Variants in ZCCHC7 observed in about 807,000 individuals in gnomAD.
The protein encoded by ZCCHC7 is zinc finger CCHC-type containing 7.
Under a neutral mutation model 52.0 loss-of-function variants are expected in ZCCHC7, and 35 were observed. The ratio of observed to expected loss-of-function variants is 0.67; its 90% CI spans 0.51 to 0.89. The LOEUF (loss-of-function observed/expected upper bound fraction) is 0.89, where lower values mean the gene tolerates loss of function less well. Ranked by LOEUF, ZCCHC7 falls within the 40% of genes least tolerant of loss-of-function variation. ZCCHC7 has a pLI of 0.00. For missense variants in ZCCHC7, 574 were observed against 649.1 expected, an observed-to-expected ratio of 0.88 and a Z score of 1.26; for synonymous variants, 217 against 221.5, an observed-to-expected ratio of 0.98 and a Z score of 0.18.
chr9:37,145,800 A>C (rs1843406092), intron 2 of ZCCHC7, among the ~76,000 whole-genome samples: 1 of 151,964 alleles, frequency 6.6e-6, no homozygotes, highest in South Asian at 2.1e-4. Context: ...GAGATGCCTC[A>C]GTTAAATTTT....
At chr9:37,166,461 A>G (rs1217734468) in intron 2 of ZCCHC7, among the ~76,000 whole-genome samples, 3 of 151,972 alleles carry the variant, frequency 2.0e-5, no homozygotes, top group East Asian at 3.9e-4. Context: ...TTTTCCTGGT[A>G]TGTCTGTCTT....
intron 2 of ZCCHC7, among the ~76,000 whole-genome samples, chr9:37,218,876 A>G (rs1410647527): frequency 1.3e-5 from 2 of 151,748 alleles, no homozygotes; most frequent in Non-Finnish European, 2.9e-5. Flanking sequence ...TAGAGAGGGG[A>G]ACGTCTAGTG....
intron 2 of ZCCHC7, among the ~76,000 whole-genome samples, chr9:37,192,204 A>T (rs1029195423): frequency 1.1e-4 from 16 of 152,246 alleles, no homozygotes; most frequent in Admixed American, 5.2e-4. Flanking sequence ...TTTCTCCAAC[A>T]TAGTGGACAT....
chr9:37,298,192 T>C (rs905757497), intron 2 of ZCCHC7, among the ~76,000 whole-genome samples: 1 of 152,194 alleles, frequency 6.6e-6, no homozygotes, highest in Non-Finnish European at 1.5e-5. Flanking sequence ...ATAACTACTA[T>C]GCAGTAATTG....
intron 2 of ZCCHC7, among the ~76,000 whole-genome samples, chr9:37,193,748 GGT>G (rs1351936999): frequency 6.6e-6 from 1 of 152,136 alleles, no homozygotes; most frequent in Admixed American, 6.5e-5. Context: ...CAAGGAATGA[GGT>G]GGTAATCCTG....
rs1827850453 is a variant in ZCCHC7, at chr9:37,279,561, A to AT, written c.611-22625dup. The stretch of plus-strand genomic sequence containing the variant: ...AATTGAAAGATCTAAATGTGGACAT[A>AT]TTGATAATTACATCTGGCCAGGTCC... On this transcript the variant is annotated intron_variant, in intron 2 of 8. Transcript: ENST00000336755. Among the ~76,000 whole-genome samples the AT allele has an allele frequency of 2.6e-5, 4 of 152,230 alleles. No individual in the cohort carries two copies. The South Asian group carries it at 8.3e-4, about 32-fold the overall frequency.
intron 2 of ZCCHC7, among the ~76,000 whole-genome samples, chr9:37,178,513 A>G (rs1027214191): frequency 6.6e-6 from 1 of 152,118 alleles, no homozygotes; most frequent in African/African-American, 2.4e-5. Context: ...GAAGAATGGA[A>G]AGAAGAAAAC....
chr9:37,329,091 T>C (rs2118203689), intron 6 of ZCCHC7, among the ~76,000 whole-genome samples: 1 of 152,010 alleles, frequency 6.6e-6, no homozygotes, highest in Admixed American at 6.6e-5. Context: ...AATTAGAATC[T>C]AATTATATGT....
chr9:37,287,494 A>G (rs1028776079), intron 2 of ZCCHC7, among the ~76,000 whole-genome samples: 1 of 152,102 alleles, frequency 6.6e-6, no homozygotes, highest in African/African-American at 2.4e-5. Flanking sequence ...TAACAAAGCG[A>G]CTTTGTTCTG....
At chr9:37,298,677 C>A (rs2133678655) in intron 2 of ZCCHC7, among the ~76,000 whole-genome samples, 1 of 152,248 alleles carries the variant, frequency 6.6e-6, no homozygotes, top group South Asian at 2.1e-4. Context: ...TGGAAATGTT[C>A]TACATTTGAT....
chr9:37,204,946 T>TC (rs1458808761), intron 2 of ZCCHC7, among the ~76,000 whole-genome samples: 2 of 152,202 alleles, frequency 1.3e-5, no homozygotes, highest in Non-Finnish European at 2.9e-5. Flanking sequence ...TTTGAATGTG[T>TC]CCCCCAAAGG....
intron 2 of ZCCHC7, among the ~76,000 whole-genome samples, chr9:37,177,069 T>C (rs576427564): frequency 3.6e-4 from 55 of 152,230 alleles, no homozygotes; most frequent in Non-Finnish European, 7.1e-4. Context: ...AGGCCGGGTG[T>C]GGTGGCTTAC....
chr9:37,287,797 A>G (rs754779862), intron 2 of ZCCHC7, among the ~76,000 whole-genome samples: 2 of 151,856 alleles, frequency 1.3e-5, no homozygotes, highest in Non-Finnish European at 2.9e-5. Flanking sequence ...ATGGTGTTAA[A>G]TTTTTTTTAA....
At chr9:37,289,190 C>T (rs1237553349) in intron 2 of ZCCHC7, among the ~76,000 whole-genome samples, 11 of 150,998 alleles carry the variant, frequency 7.3e-5, no homozygotes, top group Admixed American at 7.2e-4. Flanking sequence ...CGCTCTGTCG[C>T]CCAGGCTGGA....
At chr9:37,202,676 T>G (rs1361356476) in intron 2 of ZCCHC7, among the ~76,000 whole-genome samples, 1 of 152,130 alleles carries the variant, frequency 6.6e-6, no homozygotes, top group Non-Finnish European at 1.5e-5. Flanking sequence ...GAGATGGGGT[T>G]TTACTATGTT....
At chr9:37,260,654 A>G (rs1275262495) in intron 2 of ZCCHC7, among the ~76,000 whole-genome samples, 1 of 152,194 alleles carries the variant, frequency 6.6e-6, no homozygotes. Context: ...CCCTAAGATG[A>G]ACTATTTGAC....
At chr9:37,287,788 T>C (rs769352575) in intron 2 of ZCCHC7, among the ~76,000 whole-genome samples, 1 of 152,120 alleles carries the variant, frequency 6.6e-6, no homozygotes, top group Non-Finnish European at 1.5e-5. Flanking sequence ...ATTTGATCAA[T>C]GGTGTTAAAT....
In ZCCHC7 at chr9:37,352,511, C is replaced by CTTTTTTTTTTTTTTTTTTTTTTTTTT. The variant is rs869266535; in HGVS notation, c.1084-2175_1084-2174insTTTTTTTTTTTTTTTTTTTTTTTTTT. Among the ~76,000 whole-genome samples, 15 of 81,576 alleles carry CTTTTTTTTTTTTTTTTTTTTTTTTTT rather than the reference C, an allele frequency of 1.8e-4. 1 individual carries two copies. The highest frequency in any genetic ancestry group is 6.7e-4 in the African/African-American group (12 of 17,970). 53.5% of individuals were successfully genotyped at this position (81,576 alleles called of 152,430 possible). On this transcript the variant is annotated intron_variant, in intron 7 of 8. Coordinates refer to ENST00000336755, the MANE Select transcript of ZCCHC7 (RefSeq NM_032226.3). ...TACCTTTGCATAATCACAATTTGCTCTTTTTTTTTTTTTTTTTTTTTTTTG... is the reference window on the plus strand; with the variant it reads ...TACCTTTGCATAATCACAATTTGCTCTTTTTTTTTTTTTTTTTTTTTTTTTTTTTTTTTTTTTTTTTTTTTTTTTTG...
intron 2 of ZCCHC7, among the ~76,000 whole-genome samples, chr9:37,269,494 C>G (rs1158721829): frequency 2.6e-5 from 4 of 150,946 alleles, no homozygotes; most frequent in Non-Finnish European, 4.4e-5. Flanking sequence ...CAGTGCGTGC[C>G]TATAGTCCCA....
Sources: gnomAD v4.1 joint callset for allele counts (sites outside exome capture counted in the v4.1 genomes callset) on GRCh38, gnomAD v4.1.1 for gene constraint, MANE v1.5 for transcripts, NCBI Gene and HGNC (gene_info 2026-07-23, HGNC 2026-07-21) for gene names.